SPAG16: variants seen among roughly 807,000 people sequenced by gnomAD.
SPAG16 encodes the protein sperm associated antigen 16, also known as sperm-associated antigen 16 protein.
SPAG16 carries 86 observed loss-of-function variants against 80.4 expected under a neutral mutation model. The ratio of observed to expected loss-of-function variants is 1.07; its 90% CI spans 0.90 to 1.28. The LOEUF (loss-of-function observed/expected upper bound fraction) is 1.28, where lower values mean the gene tolerates loss of function less well. Ranked by LOEUF, SPAG16 falls within the 50% of genes most tolerant of loss-of-function variation. The pLI is 0.00. For missense variants in SPAG16, 870 were observed against 765.3 expected, an observed-to-expected ratio of 1.14 and a Z score of -1.61; for synonymous variants, 294 against 265.9, an observed-to-expected ratio of 1.11 and a Z score of -1.03.
intron 10 of SPAG16, among the ~76,000 whole-genome samples, chr2:213,594,935 A>G (rs1299095306): frequency 1.3e-5 from 2 of 152,052 alleles, no homozygotes; most frequent in Non-Finnish European, 2.9e-5. Context: ...CATTGTCCAT[A>G]TCCTTATCTG....
intron 11 of SPAG16, among the ~76,000 whole-genome samples, chr2:213,890,665 C>T (rs13432717): frequency 0.59 from 90,302 of 151,798 alleles, 28,743 homozygotes; most frequent in South Asian, 0.85. Context: ...AACTCTTATT[C>T]TATATATAGG....
At chr2:213,677,005 T>C (rs2064116478) in intron 10 of SPAG16, among the ~76,000 whole-genome samples, 1 of 151,848 alleles carries the variant, frequency 6.6e-6, no homozygotes, top group Non-Finnish European at 1.5e-5. Flanking sequence ...TGTGAATCCA[T>C]CTGGTCCTGG....
intron 10 of SPAG16, among the ~76,000 whole-genome samples, chr2:213,588,306 G>T (rs1179481227): frequency 6.6e-6 from 1 of 152,042 alleles, no homozygotes; most frequent in Non-Finnish European, 1.5e-5. Flanking sequence ...CATTCAAGAA[G>T]AAAACATTCT....
chr2:214,061,981 GCACACACA>G lies in SPAG16; in HGVS notation c.1528-46183_1528-46176del, dbSNP rs58582439. ...TAGCATACATAATGAATAAAAGCATGCACACACACACACACACACACACACACACACAC... is the reference window on the plus strand; with the variant it reads ...TAGCATACATAATGAATAAAAGCATGCACACACACACACACACACACACAC... On this transcript the variant is annotated intron_variant, in intron 13 of 15. Coordinates refer to ENST00000331683, the MANE Select transcript of SPAG16 (RefSeq NM_024532.5). 8.6e-3 allele frequency among the ~76,000 whole-genome samples: 965 copies of G among 111,588 alleles called. 8 individuals carry two copies. Among genetic ancestry groups the G allele is most frequent in the East Asian group, 0.038 (176 of 4,666 alleles). 73.2% of individuals were successfully genotyped at this position (111,588 alleles called of 152,430 possible). A position where few individuals can be genotyped will look rare whatever the true frequency, so the allele number is the denominator to read the frequency against.
intron 9 of SPAG16, among the ~76,000 whole-genome samples, chr2:213,408,485 C>T (rs190755901): frequency 6.6e-6 from 1 of 152,300 alleles, no homozygotes; most frequent in East Asian, 1.9e-4. Context: ...CTTACTAACT[C>T]AAAAATCTTA....
chr2:213,649,563 G>C (rs977588807), intron 10 of SPAG16, among the ~76,000 whole-genome samples: 28 of 151,932 alleles, frequency 1.8e-4, no homozygotes, highest in Non-Finnish European at 3.2e-4. Flanking sequence ...AGCTCATTTT[G>C]TTTTACTTTA....
At chr2:214,338,599 C>G (rs575712649) in intron 15 of SPAG16, among the ~76,000 whole-genome samples, 1 of 152,268 alleles carries the variant, frequency 6.6e-6, no homozygotes. Flanking sequence ...TTGTTTCTCT[C>G]TCTTCTGTTG....
intron 6 of SPAG16, 129 bp from the exon 7 acceptor site, chr2:213,350,399 A>G: frequency 1.9e-6 from 1 of 529,042 alleles, no homozygotes; most frequent in Non-Finnish European, 3.3e-6. Flanking sequence ...TAGTGTGTTA[A>G]CCTTTATATG....
chr2:214,149,769 T>G (rs1237362822), intron 15 of SPAG16, among the ~76,000 whole-genome samples: 1 of 152,152 alleles, frequency 6.6e-6, no homozygotes, highest in African/African-American at 2.4e-5. Context: ...TGCTGTGCAT[T>G]CTATAATGTT....
chr2:213,997,782 T>C (rs1559674179), intron 12 of SPAG16, among the ~76,000 whole-genome samples: 2 of 152,162 alleles, frequency 1.3e-5, no homozygotes, highest in Non-Finnish European at 2.9e-5. Flanking sequence ...TAAAAAACTT[T>C]AGTAATTTAT....
At chr2:213,411,159 C>T (rs1035168405) in intron 9 of SPAG16, among the ~76,000 whole-genome samples, 1 of 152,186 alleles carries the variant, frequency 6.6e-6, no homozygotes, top group Non-Finnish European at 1.5e-5. Flanking sequence ...ATTGGCTATC[C>T]CTTTCACCCT....
chr2:213,492,357 T>C lies in SPAG16; in HGVS notation c.1070+2267T>C, dbSNP rs146656794. On this transcript the variant is annotated intron_variant, in intron 10 of 15. Transcript: ENST00000331683. ...TCACTAGGTCAGATTGAGACCATCC[T>C]GGCTAACACAGTGAAACCCTCTCTC... 1.4e-4 allele frequency among the ~76,000 whole-genome samples: 22 copies of C among 152,230 alleles called. No homozygotes were observed. In the East Asian group the frequency reaches 1.9e-3, roughly 13 times the overall value.
At chr2:214,032,296 TG>T (rs1160925360) in intron 13 of SPAG16, among the ~76,000 whole-genome samples, 1 of 152,220 alleles carries the variant, frequency 6.6e-6, no homozygotes, top group Non-Finnish European at 1.5e-5. Context: ...CCATCTACTT[TG>T]TTTTACCCCT....
At chr2:213,829,319 G>A (rs1286795265) in intron 10 of SPAG16, among the ~76,000 whole-genome samples, 2 of 152,074 alleles carry the variant, frequency 1.3e-5, no homozygotes, top group African/African-American at 4.8e-5. Context: ...CATTGCCAAT[G>A]TGCACATAAG....
chr2:213,453,429 G>A (rs2071817653), intron 9 of SPAG16, among the ~76,000 whole-genome samples: 1 of 152,172 alleles, frequency 6.6e-6, no homozygotes, highest in South Asian at 2.1e-4. Flanking sequence ...AATTACACTG[G>A]ATGTTCAGCA....
intron 9 of SPAG16, among the ~76,000 whole-genome samples, chr2:213,447,709 A>AAC (rs1333565587): frequency 6.6e-6 from 1 of 152,204 alleles, no homozygotes; most frequent in Non-Finnish European, 1.5e-5. Flanking sequence ...GAGTTGTGTT[A>AAC]AGCCTCCTTT....
chr2:214,125,194 T>G (rs1191560381), intron 14 of SPAG16, among the ~76,000 whole-genome samples: 4 of 151,684 alleles, frequency 2.6e-5, no homozygotes, highest in African/African-American at 9.7e-5. Context: ...ACAGAGAATC[T>G]TAAGTATACA....
In SPAG16 at chr2:213,540,029, A is replaced by T. The variant is rs867426435; in HGVS notation, c.1070+49939A>T. ...CACAATGATACCATTATATTTCTTA[A>T]TTTTTTTTTTTTTTTTTTTTTTTGA... On this transcript the variant is annotated intron_variant, in intron 10 of 15. Coordinates refer to ENST00000331683, the MANE Select transcript of SPAG16 (RefSeq NM_024532.5). 6.6e-4 allele frequency among the ~76,000 whole-genome samples: 73 copies of T among 110,832 alleles called. 1 individual carries two copies. The highest frequency in any genetic ancestry group is 7.1e-3 in the Middle Eastern group (1 of 140). 72.7% of individuals were successfully genotyped at this position (110,832 alleles called of 152,430 possible).
chr2:214,092,607 T>C (rs2052295075), intron 13 of SPAG16, among the ~76,000 whole-genome samples: 1 of 151,976 alleles, frequency 6.6e-6, no homozygotes, highest in Admixed American at 6.6e-5. Context: ...TATTGTATCT[T>C]TTGCCATGGA....
Sources: allele counts gnomAD v4.1 joint callset (sites outside exome capture counted in the v4.1 genomes callset), GRCh38; gene constraint gnomAD v4.1.1; transcripts MANE v1.5; gene names NCBI Gene and HGNC (gene_info 2026-07-23, HGNC 2026-07-21).